ADAMTS2: variants seen among roughly 807,000 people sequenced by gnomAD.
ADAMTS2 encodes ADAM metallopeptidase with thrombospondin type 1 motif 2, also known as A disintegrin and metalloproteinase with thrombospondin motifs 2.
Under a neutral mutation model 123.0 loss-of-function variants are expected in ADAMTS2, and 50 were observed. That is an observed-to-expected ratio of 0.41 (90% confidence interval 0.32 to 0.51). The LOEUF is 0.51. ADAMTS2 is among the 20% of genes least tolerant of loss of function. The pLI, the probability that ADAMTS2 is intolerant of heterozygous loss-of-function variation, is 0.35. For missense variants in ADAMTS2, 1,494 were observed against 1,705.2 expected, an observed-to-expected ratio of 0.88 and a Z score of 2.18; for synonymous variants, 678 against 695.4, an observed-to-expected ratio of 0.98 and a Z score of 0.39.
intron 10 of ADAMTS2, among the ~76,000 whole-genome samples, chr5:179,150,051 T>C (rs1763325109): frequency 6.6e-6 from 1 of 152,148 alleles, no homozygotes; most frequent in Non-Finnish European, 1.5e-5. Context: ...CACTTCTACC[T>C]TGCAGGAAAA....
chr5:179,294,147 T>C (rs1043449092), intron 2 of ADAMTS2, among the ~76,000 whole-genome samples: 16 of 152,002 alleles, frequency 1.1e-4, no homozygotes, highest in Non-Finnish European at 2.2e-4. Context: ...TCCCAGCTAC[T>C]TGGGAGGCTG....
chr5:179,321,774 C>A (rs1393024824), intron 2 of ADAMTS2, among the ~76,000 whole-genome samples: 1 of 152,106 alleles, frequency 6.6e-6, no homozygotes, highest in Non-Finnish European at 1.5e-5. Flanking sequence ...CAGTGACAAA[C>A]CCTCTCTCCA....
In ADAMTS2 at chr5:179,130,345, C is replaced by T. The variant is rs144118593; in HGVS notation, c.2291-247G>A. On this transcript the variant is annotated intron_variant, in intron 15 of 21. Transcript: ENST00000251582. This position sits in a 1 kb window ranked among gnomAD's most constrained non-coding sequence, Gnocchi z 4.3. ...TCTGCCCCCACCAGCCCTGGAGGTG[C>T]CGGCTCCCCTTGGAAGCCACTCAGT... 1.8e-3 allele frequency among the ~76,000 whole-genome samples: 272 copies of T among 152,310 alleles called. No homozygotes were observed. Among genetic ancestry groups the T allele is most frequent in the Non-Finnish European group, 2.9e-3 (196 of 68,010 alleles).
chr5:179,153,365 A>C, intron 9 of ADAMTS2, 126 bp downstream of exon 9: 21 of 1,437,150 alleles, frequency 1.5e-5, no homozygotes, highest in Non-Finnish European at 2.0e-5. Context: ...ACAGGCTGCC[A>C]CTCTGGAGGG....
At chr5:179,338,426 G>A (rs1013200386) in intron 2 of ADAMTS2, among the ~76,000 whole-genome samples, 10 of 152,196 alleles carry the variant, frequency 6.6e-5, no homozygotes, top group East Asian at 5.8e-4. Context: ...GAGGCTGGCC[G>A]CCGCCTCCAG....
chr5:179,293,738 C>A (rs892171438), intron 2 of ADAMTS2, among the ~76,000 whole-genome samples: 1 of 152,002 alleles, frequency 6.6e-6, no homozygotes, highest in South Asian at 2.1e-4. Context: ...CTCAGCCTCC[C>A]GAGTAGCTGT....
chr5:179,168,723 C>T (rs901198932), intron 5 of ADAMTS2, among the ~76,000 whole-genome samples: 14 of 152,170 alleles, frequency 9.2e-5, no homozygotes, highest in African/African-American at 3.4e-4. Context: ...GAATGAATGG[C>T]AGGGACAAGG....
rs543352144 is a variant in ADAMTS2, at chr5:179,225,002, C to A, written c.689-17287G>T. Among the ~76,000 whole-genome samples the A allele has an allele frequency of 1.2e-4, 18 of 152,310 alleles. No homozygotes were observed. Among genetic ancestry groups the A allele is most frequent in the Admixed American group, 1.1e-3 (17 of 15,306 alleles). ...CTGCCTCACAGTGGCTGAAGCTTCC[C>A]GGGCCGCAGTTCACGCCCCACTTGT... On this transcript the variant is annotated intron_variant, in intron 3 of 21. Transcript: ENST00000251582. This position sits in a 1 kb window ranked among gnomAD's most constrained non-coding sequence, Gnocchi z 4.5.
chr5:179,137,730 C>T (rs541788088), intron 12 of ADAMTS2, 39 bp downstream of exon 12: 3 of 1,314,046 alleles, frequency 2.3e-6, no homozygotes, highest in Middle Eastern at 2.6e-4. Context: ...CTAGGGCCTG[C>T]CTGCTGAGCC....
At chr5:179,140,543 C>T (rs1013124504) in intron 10 of ADAMTS2, among the ~76,000 whole-genome samples, 1 of 152,212 alleles carries the variant, frequency 6.6e-6, no homozygotes, top group Admixed American at 6.5e-5. Context: ...AATGATTCCA[C>T]ATCTTAATCT....
At chr5:179,246,330 G>A (rs115158286) in intron 3 of ADAMTS2, among the ~76,000 whole-genome samples, 1,991 of 152,172 alleles carry the variant, frequency 0.013, 39 homozygotes, top group African/African-American at 0.045. Context: ...CAACTGTCTC[G>A]GAGCTTCCCC....
chr5:179,138,769 C>T (rs1052770370), intron 11 of ADAMTS2, among the ~76,000 whole-genome samples: 2 of 152,126 alleles, frequency 1.3e-5, no homozygotes, highest in African/African-American at 4.8e-5. Context: ...GGGATCCCTC[C>T]GCGGAGCCGT....
At chr5:179,300,073 C>T (rs2457098) in intron 2 of ADAMTS2, among the ~76,000 whole-genome samples, 55,848 of 140,922 alleles carry the variant, frequency 0.4, 10,895 homozygotes, top group South Asian at 0.53. Flanking sequence ...CCAGCCTGGG[C>T]GACAGAGTGA....
At chr5:179,173,742 C>T (rs1385892153) in intron 5 of ADAMTS2, among the ~76,000 whole-genome samples, 6 of 152,120 alleles carry the variant, frequency 3.9e-5, no homozygotes, top group South Asian at 2.1e-4. Context: ...AGGCCAAATG[C>T]GGTGGCTCGC....
chr5:179,136,969 C>CA (rs530319277), intron 12 of ADAMTS2, among the ~76,000 whole-genome samples: 33,870 of 139,702 alleles, frequency 0.24, 3,883 homozygotes, highest in African/African-American at 0.26. Context: ...GACTCCGTCT[C>CA]AAAAAAAAAA....
chr5:179,133,959 G>T (rs577175898), intron 13 of ADAMTS2, among the ~76,000 whole-genome samples: 3 of 151,264 alleles, frequency 2.0e-5, no homozygotes, highest in African/African-American at 2.4e-5. Context: ...TAATCTGCCC[G>T]CCTCGGCCTC....
At position 179,135,933 on chromosome 5, in the gene ADAMTS2, G is replaced by A. The variant is rs1317659680; in HGVS notation, c.2061C>T (p.Ser687=). Residue 687 remains serine (S), a synonymous_variant, in exon 13 of 22, where the codon AGC becomes AGT. Coordinates refer to ENST00000251582, the MANE Select transcript of ADAMTS2 (RefSeq NM_014244.5). ...GTRCSYKDAF[S]LCVRGDCRKV... Reference sequence around the variant, plus strand: ...CCCTGCAGTCCCCGCGCACACAGAGGCTGAAGGCGTCCTTGTAGGAGCAGC... The same window carrying A: ...CCCTGCAGTCCCCGCGCACACAGAGACTGAAGGCGTCCTTGTAGGAGCAGC... 6.2e-7 allele frequency: 1 copy of A among 1,613,204 alleles called. No individual in the cohort carries two copies. The highest frequency in any genetic ancestry group is 2.2e-5 in the East Asian group (1 of 44,880).
chr5:179,298,751 T>C (rs1407986540), intron 2 of ADAMTS2, among the ~76,000 whole-genome samples: 1 of 151,938 alleles, frequency 6.6e-6, no homozygotes, highest in African/African-American at 2.4e-5. Flanking sequence ...AGGGGTGGGG[T>C]GTCACTGGAA....
intron 3 of ADAMTS2, among the ~76,000 whole-genome samples, chr5:179,265,651 C>A (rs909072409): frequency 6.6e-6 from 1 of 152,228 alleles, no homozygotes; most frequent in African/African-American, 2.4e-5. Context: ...CCAGGCAACT[C>A]CAGCCTCGGA....
Sources: gnomAD v4.1 joint callset for allele counts (sites outside exome capture counted in the v4.1 genomes callset) on GRCh38, gnomAD v4.1.1 for gene constraint, Gnocchi (gnomAD v3.1) non-coding constraint, MANE v1.5 for transcripts, NCBI Gene and HGNC (gene_info 2026-07-23, HGNC 2026-07-21) for gene names.